B9D1: variants seen among roughly 807,000 people sequenced by gnomAD.
B9D1 encodes B9 domain-containing protein 1.
Under a neutral mutation model 26.1 loss-of-function variants are expected in B9D1, and 20 were observed. The observed-to-expected ratio is 0.77, with a 90% CI of 0.54 to 1.12. The LOEUF is 1.12. B9D1 is among the 50% of genes most tolerant of loss of function. B9D1 has a pLI of 0.00. For synonymous variants in B9D1, 105 were observed against 103.1 expected (o/e 1.02, Z -0.11); for missense variants, 260 against 273.7 (o/e 0.95, Z 0.35).
At chr17:19,360,421 G>A (rs758352012) in intron 1 of B9D1, 33 bp from the exon 2 acceptor site, 1 of 1,598,512 alleles carries the variant, frequency 6.3e-7, no homozygotes, top group East Asian at 2.2e-5. Flanking sequence ...CTGTCGACTG[G>A]TATTCATGCT....
chr17:19,374,485 C>T (rs1912022159), intron 1 of B9D1, among the ~76,000 whole-genome samples: 2 of 152,224 alleles, frequency 1.3e-5, no homozygotes, highest in African/African-American at 4.8e-5. Flanking sequence ...AGAAATTTGA[C>T]ATTAGCTACT....
At chr17:19,375,265 G>C (rs1045982606) in intron 1 of B9D1, among the ~76,000 whole-genome samples, 2 of 151,836 alleles carry the variant, frequency 1.3e-5, no homozygotes, top group African/African-American at 4.8e-5. Context: ...ACTCTAGCCT[G>C]GGCTGGAGTG....
chr17:19,338,052 C>T (rs72838804), downstream of B9D1, among the ~76,000 whole-genome samples: 1,301 of 152,298 alleles, frequency 8.5e-3, 9 homozygotes, highest in South Asian at 0.023. Context: ...GAGTACAGAG[C>T]CTTCTCCAGC....
At chr17:19,366,274 T>C (rs1275388590), upstream of B9D1, among the ~76,000 whole-genome samples, 3 of 151,788 alleles carry the variant, frequency 2.0e-5, no homozygotes, top group Non-Finnish European at 4.4e-5. Flanking sequence ...AGCCCTGGGG[T>C]GCACACTAGG....
chr17:19,369,092 T>C (rs1036309232), intron 1 of B9D1, among the ~76,000 whole-genome samples: 3 of 152,078 alleles, frequency 2.0e-5, no homozygotes, highest in Admixed American at 6.5e-5. Flanking sequence ...AGAACTGCTA[T>C]GAAGAAAAAA....
chr17:19,368,826 G>C (rs1911731508), intron 1 of B9D1, among the ~76,000 whole-genome samples: 1 of 152,128 alleles, frequency 6.6e-6, no homozygotes, highest in Non-Finnish European at 1.5e-5. Context: ...GTGGGCCTGT[G>C]ACCCTGGCTA....
chr17:19,366,377 G>T (rs1231985166), upstream of B9D1, among the ~76,000 whole-genome samples: 1 of 151,974 alleles, frequency 6.6e-6, no homozygotes, highest in Non-Finnish European at 1.5e-5. Flanking sequence ...ACTTCTTAGA[G>T]TCCTGCTCTG....
Position 19,347,523 on chromosome 17 carries a change from C to T in B9D1, c.342-192G>A, listed in dbSNP as rs1476554007. On this transcript the variant is annotated intron_variant, in intron 4 of 6. Transcript: ENST00000261499. The surrounding 1 kb of genome is among the most constrained non-coding windows in gnomAD (Gnocchi z 4.3). ...AAGGTGCTGAGCGCCAGGAGACAGCCTCATGGAGGTCAGAGTCCCTCAGGG... is the reference window on the plus strand; with the variant it reads ...AAGGTGCTGAGCGCCAGGAGACAGCTTCATGGAGGTCAGAGTCCCTCAGGG... Among the ~76,000 whole-genome samples the T allele has an allele frequency of 6.6e-6, 1 of 152,200 alleles. No homozygotes were observed. Among genetic ancestry groups the T allele is most frequent in the Non-Finnish European group, 1.5e-5 (1 of 68,040 alleles).
chr17:19,355,807 C>T (rs1910270678), intron 3 of B9D1, among the ~76,000 whole-genome samples: 1 of 152,112 alleles, frequency 6.6e-6, no homozygotes, highest in Non-Finnish European at 1.5e-5. Flanking sequence ...GCACTCCAGC[C>T]TGGGCAACAG....
At chr17:19,375,058 C>T (rs114184614) in intron 1 of B9D1, among the ~76,000 whole-genome samples, 4,878 of 150,502 alleles carry the variant, frequency 0.032, 262 homozygotes, top group African/African-American at 0.11. Context: ...GGGAGGCTGA[C>T]GTAGGCCGAT....
At chr17:19,377,895 G>C (rs998897902) in exon 1 of B9D1, 1 of 985,326 alleles carries the variant, frequency 1.0e-6, no homozygotes, top group African/African-American at 1.7e-5. Context: ...AGTCCAACTT[G>C]GCCGGAAGCT....
intron 1 of B9D1, among the ~76,000 whole-genome samples, chr17:19,368,998 C>T (rs1045451981): frequency 2.4e-4 from 37 of 152,148 alleles, no homozygotes; most frequent in Non-Finnish European, 5.1e-4. Flanking sequence ...GCACCTCTGA[C>T]GGTTCTAGGA....
rs1909017812 is a variant in B9D1 at position 19,347,700 on chromosome 17, C to T, written c.341+84G>A. 1 of 1,390,228 alleles carries T rather than the reference C, an allele frequency of 7.2e-7. No homozygotes were observed. The highest frequency in any genetic ancestry group is 1.0e-6 in the Non-Finnish European group (1 of 995,794). The allele number at this position is 1,390,228 out of a possible 1,614,324, so 86.1% of individuals were successfully genotyped here. A position where few individuals can be genotyped will look rare whatever the true frequency, so the allele number is the denominator to read the frequency against. ...GCCCCTGGAGACCCCAGAGCATTCC[C>T]AGCCTGAACCTAAGACAGAAAACGA... On this transcript the variant is annotated intron_variant, in intron 4 of 6. Transcript: ENST00000261499. This position sits in a 1 kb window ranked among gnomAD's most constrained non-coding sequence, Gnocchi z 4.3.
chr17:19,343,178 C>CT lies in B9D1; in HGVS notation c.*140dup. The CT allele has an allele frequency of 6.8e-7, 1 of 1,472,636 alleles. No homozygotes were observed. Among genetic ancestry groups the CT allele is most frequent in the Non-Finnish European group, 8.9e-7 (1 of 1,117,854 alleles). 91.2% of individuals were successfully genotyped at this position (1,472,636 alleles called of 1,614,324 possible). ...GAAGGCAGCCCCAGGCCTAGGCTCT[C>CT]TGAAAATGAGACTTTATTATACAAA... On this transcript the variant is annotated 3_prime_UTR_variant, in exon 7 of 7. Coordinates refer to ENST00000261499, the MANE Select transcript of B9D1 (RefSeq NM_015681.6).
At chr17:19,358,368 A>G (rs1910629231) in intron 2 of B9D1, among the ~76,000 whole-genome samples, 1 of 152,094 alleles carries the variant, frequency 6.6e-6, no homozygotes, top group African/African-American at 2.4e-5. Flanking sequence ...TCTTCCACCC[A>G]CCAACCCTTT....
downstream of B9D1, among the ~76,000 whole-genome samples, chr17:19,339,067 A>G (rs1347730770): frequency 2.0e-5 from 3 of 151,902 alleles, no homozygotes. Context: ...ATGATGGGAG[A>G]GCCACCCCCT....
At chr17:19,363,824 C>T (rs1911416106), upstream of B9D1, 1 of 152,310 alleles carries the variant, frequency 6.6e-6, no homozygotes, top group Admixed American at 6.5e-5. Context: ...ACCCACTGAA[C>T]CACCCCCTGC....
chr17:19,354,704 T>C (rs1213051241), intron 3 of B9D1, among the ~76,000 whole-genome samples: 1 of 152,104 alleles, frequency 6.6e-6, no homozygotes, highest in Non-Finnish European at 1.5e-5. Flanking sequence ...GGCAGGCACC[T>C]GTAATCCCCA....
rs1464152644 is a variant in B9D1, at chr17:19,359,264, G to A, written c.132+1056C>T. The stretch of plus-strand genomic sequence containing the variant: ...GGATCCCATCTCCCTTTGAGTAAAG[G>A]TCACAGTCCTTACTCTGACAAGACC... On this transcript the variant is annotated intron_variant, in intron 2 of 6. Coordinates refer to ENST00000261499, the MANE Select transcript of B9D1 (RefSeq NM_015681.6). The surrounding 1 kb of genome is among the most constrained non-coding windows in gnomAD (Gnocchi z 5.0). 6.6e-6 allele frequency among the ~76,000 whole-genome samples: 1 copy of A among 152,158 alleles called. No homozygotes were observed. The highest frequency in any genetic ancestry group is 1.5e-5 in the Non-Finnish European group (1 of 68,012).
Sources: gnomAD v4.1 joint callset for allele counts (sites outside exome capture counted in the v4.1 genomes callset) on GRCh38, gnomAD v4.1.1 for gene constraint, Gnocchi (gnomAD v3.1) non-coding constraint, MANE v1.5 for transcripts, NCBI Gene and HGNC (gene_info 2026-07-23, HGNC 2026-07-21) for gene names.